Variants in LAMB3 observed in about 807,000 individuals in gnomAD.
The protein encoded by LAMB3 is laminin subunit beta-3.
Under a neutral mutation model 140.3 loss-of-function variants are expected in LAMB3, and 104 were observed. That is an observed-to-expected ratio of 0.74 (90% CI 0.63 to 0.87). The LOEUF is 0.87. Among genes scored for constraint, LAMB3 ranks in the 40% least tolerant of loss-of-function variants. The pLI, the probability that LAMB3 is intolerant of heterozygous loss-of-function variation, is 0.00. For missense variants in LAMB3, 1,531 were observed against 1,575.2 expected, an observed-to-expected ratio of 0.97 and a Z score of 0.47; for synonymous variants, 592 against 602.9, an observed-to-expected ratio of 0.98 and a Z score of 0.26.
At chr1:209,624,182 A>G (rs915613403) in intron 14 of LAMB3, among the ~76,000 whole-genome samples, 182 bp from the exon 15 acceptor site, 2 of 152,114 alleles carry the variant, frequency 1.3e-5, no homozygotes, top group African/African-American at 2.4e-5. Flanking sequence ...GACCAGCACA[A>G]TCTTTCTCTG....
intron 10 of LAMB3, 57 bp from the exon 11 acceptor site, chr1:209,628,247 G>C: frequency 6.5e-7 from 1 of 1,539,494 alleles, no homozygotes; most frequent in Non-Finnish European, 8.8e-7. Flanking sequence ...GTTCAGAGCA[G>C]ATTCCAGGAG....
At chr1:209,634,404 G>A (rs1666814936) in intron 6 of LAMB3, 43 bp downstream of exon 6, 1 of 1,584,454 alleles carries the variant, frequency 6.3e-7, no homozygotes, top group African/African-American at 1.3e-5. Flanking sequence ...GGGACATCAG[G>A]GATTTCTCCC....
At chr1:209,646,407 A>G (rs1397928915) in intron 3 of LAMB3, among the ~76,000 whole-genome samples, 1 of 152,146 alleles carries the variant, frequency 6.6e-6, no homozygotes, top group Non-Finnish European at 1.5e-5. Flanking sequence ...CACTTCACAC[A>G]TGGAAAAATG....
In LAMB3 at chr1:209,625,970, G is replaced by A. The variant is rs767004520; in HGVS notation, c.1654C>T (p.Arg552Cys). 1.1e-4 allele frequency: 172 copies of A among 1,613,636 alleles called. No homozygotes were observed. Among genetic ancestry groups the A allele is most frequent in the South Asian group, 2.5e-4 (23 of 91,052 alleles). The change falls in exon 14 of 23, where the codon CGC becomes TGC. Residue 552 changes from arginine to cysteine, a missense_variant. Arg to Cys is a radical substitution (Grantham distance 180). Coordinates refer to ENST00000356082, the MANE Select transcript of LAMB3 (RefSeq NM_000228.3). ...GTCAAGCCAGGGCGGCAGAGGCAGC[G>A]GCCTGATGCCTTGTCGCAGCCCGGG... Reference protein sequence around the residue: ...EGPGCDKASGRCLCRPGLTGP... With the variant: ...EGPGCDKASGCCLCRPGLTGP...
Position 209,630,665 on chromosome 1 carries a change from T to C in LAMB3, c.893A>G (p.Asn298Ser), listed in dbSNP as rs772703970. The C allele has an allele frequency of 5.0e-6, 8 of 1,613,946 alleles. No homozygotes were observed. In the East Asian group the frequency reaches 1.8e-4, roughly 36 times the overall value. ...PNCERCAPFY[N>S]NRPWRPAEGQ... The stretch of plus-strand genomic sequence containing the variant: ...CTCCGCCGGTCTCCAGGGCCGGTTG[T>C]TGTAGAAGGGTGCACAGCGCTCACA... The change falls in exon 9 of 23, where the codon AAC becomes AGC. Residue 298 changes from asparagine (N) to serine (S), a missense_variant. Asn to Ser is a conservative substitution (Grantham distance 46). Coordinates refer to ENST00000356082, the MANE Select transcript of LAMB3 (RefSeq NM_000228.3).
intron 22 of LAMB3, 29 bp from the exon 23 acceptor site, chr1:209,615,436 A>G (rs1327938694): frequency 1.9e-6 from 3 of 1,570,170 alleles, no homozygotes; most frequent in Non-Finnish European, 2.6e-6. Flanking sequence ...CAGCAGGAGG[A>G]GGAGTTGATG....
At position 209,627,461 on chromosome 1, in the gene LAMB3, G is replaced by A. The variant is rs1666508196; in HGVS notation, c.1407C>T (p.His469=). The part of the protein sequence containing the change: ...GPKCDQCAPY[H]WKLASGQGCE... The stretch of plus-strand genomic sequence containing the variant: ...AGCCCTGGCCACTGGCCAGCTTCCA[G>A]TGGTAGGGAGCACACTGGTCACATT... Residue 469 remains histidine, a synonymous_variant, in exon 12 of 23, where the codon CAC becomes CAT. Transcript: ENST00000356082. 6.2e-7 allele frequency: 1 copy of A among 1,614,058 alleles called. No homozygotes were observed.
At chr1:209,627,247 A>G in intron 12 of LAMB3, 136 bp downstream of exon 12, 1 of 759,846 alleles carries the variant, frequency 1.3e-6, no homozygotes, top group Non-Finnish European at 2.1e-6. Flanking sequence ...GACTTCCCCA[A>G]ATGAGAACGG....
chr1:209,631,201 A>G (rs868279388), intron 8 of LAMB3, among the ~76,000 whole-genome samples: 2 of 152,236 alleles, frequency 1.3e-5, no homozygotes, highest in African/African-American at 4.8e-5. Flanking sequence ...AAAATAGAAT[A>G]GCTGTTGCGT....
rs781227957 is a variant in LAMB3, at chr1:209,650,073, G to A, written c.74C>T (p.Ala25Val). Reference protein sequence around the residue: ...LHAQQACSRGACYPPVGDLLV... With the variant: ...LHAQQACSRGVCYPPVGDLLV... The stretch of plus-strand genomic sequence containing the variant: ...CAGGTCCCCAACAGGTGGATAGCAG[G>A]CCCCACGGGAGCAGGCTTGTTGGGC... The change falls in exon 3 of 23, where the codon GCC becomes GTC. Residue 25 changes from alanine to valine, a missense_variant. Physicochemically the swap from Ala to Val is moderately conservative, Grantham distance 64 (BLOSUM62 0). Coordinates refer to ENST00000356082, the MANE Select transcript of LAMB3 (RefSeq NM_000228.3). The A allele has an allele frequency of 1.9e-6, 3 of 1,614,134 alleles. No individual in the cohort carries two copies. Among genetic ancestry groups the A allele is most frequent in the Non-Finnish European group, 1.7e-6 (2 of 1,180,026 alleles).
At chr1:209,628,622 G>A (rs1005846596) in intron 10 of LAMB3, among the ~76,000 whole-genome samples, 2 of 150,144 alleles carry the variant, frequency 1.3e-5, no homozygotes, top group African/African-American at 5.0e-5. Context: ...CTTGAACCTG[G>A]GAGGCGGAGG....
At chr1:209,627,171 C>T (rs1666492077) in intron 12 of LAMB3, among the ~76,000 whole-genome samples, 193 bp from the exon 13 acceptor site, 1 of 152,218 alleles carries the variant, frequency 6.6e-6, no homozygotes, top group South Asian at 2.1e-4. Flanking sequence ...AGCATAGGCC[C>T]TTCAGAAGGT....
At chr1:209,632,879 A>G in intron 7 of LAMB3, 103 bp from the exon 8 acceptor site, 1 of 1,224,272 alleles carries the variant, frequency 8.2e-7, no homozygotes, top group Non-Finnish European at 1.2e-6. Flanking sequence ...ACCGTGGGCC[A>G]TCCTCTCCAG....
intron 5 of LAMB3, 91 bp from the exon 6 acceptor site, chr1:209,634,729 C>T (rs746466878): frequency 1.7e-5 from 19 of 1,117,048 alleles, no homozygotes; most frequent in South Asian, 6.6e-5. Context: ...CCAGTGAACT[C>T]GGGAGAAAGG....
At chr1:209,624,092 GAACA>G (rs1456415874) in intron 14 of LAMB3, 92 bp from the exon 15 acceptor site, 8 of 1,126,546 alleles carry the variant, frequency 7.1e-6, no homozygotes, top group Middle Eastern at 5.9e-4. Context: ...TACTGAGTCA[GAACA>G]AACAGAGACC....
intron 11 of LAMB3, 112 bp from the exon 12 acceptor site, chr1:209,627,691 T>G: frequency 3.0e-6 from 3 of 997,064 alleles, no homozygotes; most frequent in Non-Finnish European, 3.1e-6. Flanking sequence ...GCAGGGCCCT[T>G]CCCTGCAGAT....
intron 3 of LAMB3, among the ~76,000 whole-genome samples, chr1:209,648,891 A>G (rs1316566853): frequency 1.3e-5 from 2 of 152,168 alleles, no homozygotes; most frequent in East Asian, 1.9e-4. Flanking sequence ...TAAAAATTCA[A>G]TACTCAATAC....
chr1:209,641,114 AG>A (rs2076465879), intron 3 of LAMB3, among the ~76,000 whole-genome samples: 6 of 151,312 alleles, frequency 4.0e-5, no homozygotes, highest in Admixed American at 2.0e-4. Context: ...AAAAAAAAAA[AG>A]AAAGAAAAAT....
At chr1:209,641,446 A>G (rs1261122410) in intron 3 of LAMB3, among the ~76,000 whole-genome samples, 1 of 152,228 alleles carries the variant, frequency 6.6e-6, no homozygotes, top group Non-Finnish European at 1.5e-5. Flanking sequence ...TGACTTTGCT[A>G]TTGACTGATC....
Sources: gnomAD v4.1 joint callset for allele counts (sites outside exome capture counted in the v4.1 genomes callset) on GRCh38, gnomAD v4.1.1 for gene constraint, MANE v1.5 for transcripts, NCBI Gene and HGNC (gene_info 2026-07-23, HGNC 2026-07-21) for gene names.